The following RYK variants were observed in gnomAD, a reference collection of about 807,000 sequenced individuals.
RYK encodes the protein receptor like tyrosine kinase.
Under a neutral mutation model 70.2 loss-of-function variants are expected in RYK, and 21 were observed. The ratio of observed to expected loss-of-function variants is 0.30; its 90% CI spans 0.21 to 0.43. The LOEUF (loss-of-function observed/expected upper bound fraction) is 0.43, where lower values mean the gene tolerates loss of function less well. RYK is among the 20% of genes least tolerant of loss of function. The pLI is 1.00. For missense variants in RYK, 604 were observed against 753.3 expected (o/e 0.80, Z 2.32); for synonymous variants, 267 against 278.0 (o/e 0.96, Z 0.39).
intron 1 of RYK, among the ~76,000 whole-genome samples, chr3:134,230,588 C>T (rs2015028067): frequency 6.6e-6 from 1 of 152,150 alleles, no homozygotes; most frequent in African/African-American, 2.4e-5. Flanking sequence ...AATATTTCCA[C>T]TTATATAAAG....
intron 1 of RYK, among the ~76,000 whole-genome samples, chr3:134,235,888 A>G (rs2015187163): frequency 6.6e-6 from 1 of 152,180 alleles, no homozygotes; most frequent in Admixed American, 6.5e-5. Context: ...ACTAGGAAAC[A>G]GAGCCTGGTT....
chr3:134,176,108 T>A (rs2013091654), intron 11 of RYK, 69 bp from the exon 12 acceptor site: 1 of 923,992 alleles, frequency 1.1e-6, no homozygotes, highest in Non-Finnish European at 1.7e-6. Flanking sequence ...TTACTTTTTT[T>A]ATTCCACAAT....
At chr3:134,163,079 C>T (rs1031390214) in intron 13 of RYK, among the ~76,000 whole-genome samples, 2 of 152,162 alleles carry the variant, frequency 1.3e-5, no homozygotes, top group Admixed American at 1.3e-4. Context: ...TACTCCCTTC[C>T]CACTGTTTTG....
intron 2 of RYK, among the ~76,000 whole-genome samples, chr3:134,219,245 T>C (rs1239210716): frequency 6.6e-6 from 1 of 152,160 alleles, no homozygotes; most frequent in Non-Finnish European, 1.5e-5. Context: ...CCACTCCAAC[T>C]TCCCCCTGTA....
intron 1 of RYK, among the ~76,000 whole-genome samples, chr3:134,249,073 T>A (rs2107701280): frequency 6.6e-6 from 1 of 152,244 alleles, no homozygotes; most frequent in Admixed American, 6.5e-5. Flanking sequence ...TACAAAACCA[T>A]GCATAATACG....
At chr3:134,236,387 A>C (rs570890373) in intron 1 of RYK, among the ~76,000 whole-genome samples, 96 of 152,302 alleles carry the variant, frequency 6.3e-4, no homozygotes, top group African/African-American at 2.1e-3. Context: ...ACTTAGGAAT[A>C]ACTGTACACT....
At chr3:134,224,041 G>T (rs2014812910) in intron 1 of RYK, among the ~76,000 whole-genome samples, 5 of 152,172 alleles carry the variant, frequency 3.3e-5, no homozygotes, top group African/African-American at 9.7e-5. Flanking sequence ...AACTTGTAGG[G>T]TCCAACCCTA....
intron 1 of RYK, among the ~76,000 whole-genome samples, chr3:134,237,914 G>A (rs1156966860): frequency 6.6e-6 from 1 of 152,164 alleles, no homozygotes; most frequent in Non-Finnish European, 1.5e-5. Flanking sequence ...GTGGTAATAT[G>A]AGCCATTAAT....
intron 13 of RYK, among the ~76,000 whole-genome samples, chr3:134,161,952 GGCTGT>G (rs1297702497): frequency 1.3e-5 from 2 of 152,266 alleles, no homozygotes; most frequent in African/African-American, 4.8e-5. Context: ...GTGTCAGCGT[GGCTGT>G]GCTTCCCCGG....
chr3:134,180,378 T>C (rs2013256002), intron 10 of RYK: 1 of 152,216 alleles, frequency 6.6e-6, no homozygotes, highest in African/African-American at 2.4e-5. Context: ...CAAAATGCTT[T>C]AAAACACTTC....
intron 6 of RYK, among the ~76,000 whole-genome samples, chr3:134,196,618 C>T (rs1240744322): frequency 6.6e-6 from 1 of 150,900 alleles, no homozygotes; most frequent in African/African-American, 2.5e-5. Flanking sequence ...CACACACACA[C>T]ACACACACAC....
rs752984003 is a variant in RYK, at chr3:134,222,472, C to G, written c.300G>C (p.Leu100=). Residue 100 remains leucine (L), a synonymous_variant, in exon 2 of 15, where the codon CTG becomes CTC. Transcript: ENST00000623711. ...GGAAATTTGTCTCACTGGGTACTAA[C>G]AGACTAAAGGATAGAGCGTAGTGAC... ...LISHYALSFS[L]LVPSETNFLH... 1 of 1,613,442 alleles carries G rather than the reference C, an allele frequency of 6.2e-7. No homozygotes were observed.
intron 1 of RYK, among the ~76,000 whole-genome samples, chr3:134,227,861 G>C (rs1363937684): frequency 2.0e-5 from 3 of 152,118 alleles, no homozygotes; most frequent in Non-Finnish European, 4.4e-5. Context: ...TTTTAGTAGA[G>C]ACAGGGTTTC....
chr3:134,210,339 C>A (rs946272136), intron 3 of RYK, among the ~76,000 whole-genome samples: 3 of 152,182 alleles, frequency 2.0e-5, no homozygotes, highest in African/African-American at 7.2e-5. Context: ...CCTTTCTCAA[C>A]AGAAATTGAT....
intron 1 of RYK, among the ~76,000 whole-genome samples, chr3:134,232,050 G>A (rs904339391): frequency 6.6e-6 from 1 of 152,064 alleles, no homozygotes; most frequent in East Asian, 1.9e-4. Flanking sequence ...AGCAATATGC[G>A]AATTACTCTG....
At chr3:134,207,074 CAT>C (rs2014236495) in intron 5 of RYK, among the ~76,000 whole-genome samples, 2 of 151,966 alleles carry the variant, frequency 1.3e-5, no homozygotes, top group Admixed American at 1.3e-4. Context: ...GTTTAAGTAA[CAT>C]AATATCTTTA....
At chr3:134,198,366 C>G (rs1025805824) in intron 6 of RYK, among the ~76,000 whole-genome samples, 3 of 152,212 alleles carry the variant, frequency 2.0e-5, no homozygotes, top group African/African-American at 7.2e-5. Context: ...ATTCATTCCA[C>G]AAATATTTAT....
chr3:134,204,880 T>C (rs1445423299), intron 5 of RYK, among the ~76,000 whole-genome samples: 1 of 152,078 alleles, frequency 6.6e-6, no homozygotes, highest in Non-Finnish European at 1.5e-5. Flanking sequence ...GACTGCATGA[T>C]GTGTGAAGAA....
At chr3:134,177,056 A>C (rs1215333831) in intron 11 of RYK, among the ~76,000 whole-genome samples, 1 of 52,074 alleles carries the variant, frequency 1.9e-5, no homozygotes, top group Non-Finnish European at 3.8e-5. Context: ...AAAAAAAAAC[A>C]CAAAAAACAA....
Sources: gnomAD v4.1 joint callset for allele counts (sites outside exome capture counted in the v4.1 genomes callset) on GRCh38, gnomAD v4.1.1 for gene constraint, MANE v1.5 for transcripts, NCBI Gene and HGNC (gene_info 2026-07-23, HGNC 2026-07-21) for gene names.